The following PTCD1 variants were observed in gnomAD, a reference collection of about 807,000 sequenced individuals.
PTCD1 encodes the protein pentatricopeptide repeat-containing protein 1, mitochondrial.
In PTCD1, 50 loss-of-function variants were observed where a neutral mutation model predicts 53.4. The observed-to-expected ratio is 0.94, with a 90% confidence interval of 0.75 to 1.19. The LOEUF (loss-of-function observed/expected upper bound fraction) is 1.19. Among genes scored for constraint, PTCD1 ranks in the 50% most tolerant of loss-of-function variants. PTCD1 has a pLI of 0.00. For synonymous variants in PTCD1, 413 were observed against 394.8 expected (o/e 1.05, Z -0.55); for missense variants, 918 against 904.8 (o/e 1.01, Z -0.19).
intron 3 of PTCD1, among the ~76,000 whole-genome samples, chr7:99,430,968 G>A (rs1334072326): frequency 5.9e-5 from 9 of 151,920 alleles, no homozygotes; most frequent in Non-Finnish European, 1.3e-4. Context: ...CCAGCTACTC[G>A]GGAGGCTGAG....
At chr7:99,423,717 G>T (rs552578256) in intron 7 of PTCD1, 58 bp downstream of exon 7, 3 of 1,610,972 alleles carry the variant, frequency 1.9e-6, no homozygotes, top group East Asian at 2.2e-5. Context: ...TTGGGTGGTG[G>T]GGGGAGGGGG....
At chr7:99,438,449 A>G (rs1796582557) in intron 1 of PTCD1, 1 of 984,216 alleles carries the variant, frequency 1.0e-6, no homozygotes, top group Non-Finnish European at 1.3e-6. Context: ...TGGGCCACAG[A>G]GCGAGAAAAA....
intron 7 of PTCD1, among the ~76,000 whole-genome samples, chr7:99,421,834 T>C (rs377395752): frequency 4.6e-5 from 7 of 152,150 alleles, no homozygotes; most frequent in African/African-American, 9.7e-5. Context: ...AAAAGTGATA[T>C]ACATTCAGTA....
intron 7 of PTCD1, 56 bp downstream of exon 7, chr7:99,423,719 G>A: frequency 6.2e-7 from 1 of 1,611,342 alleles, no homozygotes. Flanking sequence ...GGGTGGTGGG[G>A]GGAGGGGGTA....
At chr7:99,430,847 A>C (rs1796223828) in intron 3 of PTCD1, among the ~76,000 whole-genome samples, 1 of 152,158 alleles carries the variant, frequency 6.6e-6, no homozygotes, top group African/African-American at 2.4e-5. Context: ...TGAGGTGGGC[A>C]GATCACCTGA....
chr7:99,433,271 C>T lies in PTCD1; in HGVS notation c.594+7G>A. The stretch of plus-strand genomic sequence containing the variant: ...CCTCACCCCGGCTGCCCTGCGCCCA[C>T]ATGCACCTGGTTGTAGAGGTTGAAG... On this transcript the variant is annotated splice_region_variant and intron_variant, in intron 3 of 7. Transcript: ENST00000292478. The T allele has an allele frequency of 1.9e-6, 3 of 1,614,216 alleles. No homozygotes were observed. Among genetic ancestry groups the T allele is most frequent in the South Asian group, 2.2e-5 (2 of 91,090 alleles).
intron 3 of PTCD1, 53 bp downstream of exon 3, chr7:99,433,225 T>A: frequency 6.2e-7 from 1 of 1,613,924 alleles, no homozygotes; most frequent in South Asian, 1.1e-5. Flanking sequence ...ACACTTGGGA[T>A]CCGCCCCCAG....
rs1795984624 is a variant in PTCD1, at chr7:99,425,632, C to G, written c.916-16G>C. 6.2e-7 allele frequency: 1 copy of G among 1,600,116 alleles called. No homozygotes were observed. The highest frequency in any genetic ancestry group is 8.5e-7 in the Non-Finnish European group (1 of 1,175,016). ...GCCGCCACACCTGCCACGGAAGAGA[C>G]AAACGTCAGCTGGGTGCTCCCATTC... On this transcript the variant is annotated splice_polypyrimidine_tract_variant and intron_variant, in intron 5 of 7. Transcript: ENST00000292478.
In PTCD1 at chr7:99,431,516, T is replaced by C. The variant is rs1003310262; in HGVS notation, c.595-1710A>G. On this transcript the variant is annotated intron_variant, in intron 3 of 7. Transcript: ENST00000292478. ...TAGCACTTTGGGAGGCCAAGGCGGG[T>C]GGACCACTTGAGGTCAAGAGACCAG... 3.4e-4 allele frequency among the ~76,000 whole-genome samples: 51 copies of C among 152,032 alleles called. 1 individual carries two copies. Among genetic ancestry groups the C allele is most frequent in the Admixed American group, 6.6e-5 (1 of 15,262 alleles).
chr7:99,420,780 A>T (rs1223201170), intron 7 of PTCD1, among the ~76,000 whole-genome samples: 1 of 152,094 alleles, frequency 6.6e-6, no homozygotes, highest in Non-Finnish European at 1.5e-5. Context: ...AGCATGGTGA[A>T]ACTCCATCTC....
In PTCD1 at chr7:99,429,839, G is replaced by A. The variant is rs200442206; in HGVS notation, c.595-33C>T. ...GATGGAAGAAGCTCAGTGGTGGCCC[G>A]GGATCAGCTGGACGCACAGGTGAGC... On this transcript the variant is annotated intron_variant, in intron 3 of 7. Transcript: ENST00000292478. 5.6e-5 allele frequency: 91 copies of A among 1,611,722 alleles called. 1 individual carries two copies. Among genetic ancestry groups the A allele is most frequent in the Middle Eastern group, 5.6e-4 (3 of 5,376 alleles).
chr7:99,426,140 GTCTCCCTCTCCCTCTCCC>G (rs774697481), intron 5 of PTCD1, among the ~76,000 whole-genome samples: 1 of 119,118 alleles, frequency 8.4e-6, no homozygotes, highest in Non-Finnish European at 1.8e-5. Context: ...TCTCCCCATG[GTCTCCCTCTCCCTCTCCC>G]TCTCCCTCTC....
chr7:99,423,804 C>T lies in PTCD1; in HGVS notation c.1891G>A (p.Ala631Thr). 1 of 1,614,116 alleles carries T rather than the reference C, an allele frequency of 6.2e-7. No homozygotes were observed. The highest frequency in any genetic ancestry group is 8.5e-7 in the Non-Finnish European group (1 of 1,180,012). Residue 631 changes from alanine to threonine, a missense_variant, in exon 7 of 8, where the codon GCA (alanine) becomes ACA (threonine). Physicochemically the swap from Ala to Thr is moderately conservative, Grantham distance 58 (BLOSUM62 0). Transcript: ENST00000292478. ...NEVVIRQLEF[A>T]AQYPPTFDRY... ...TCAAAGGTGGGAGGGTACTGGGCTG[C>T]AAACTCCAGCTGGCGGATGACCACT... is the stretch of plus-strand genomic sequence containing the variant.
In PTCD1 at chr7:99,426,270, G is replaced by A. The variant is rs549918516; in HGVS notation, c.916-654C>T. Among the ~76,000 whole-genome samples, 977 of 152,072 alleles carry A rather than the reference G, an allele frequency of 6.4e-3. 9 individuals are homozygous for A. The highest frequency in any genetic ancestry group is 0.015 in the South Asian group (74 of 4,818). Reference sequence around the variant, plus strand: ...GCTGGACTGTAACTGCTGCCATCTCGGCTCACTGCAACCTCCCTGCCTGAT... The same window carrying A: ...GCTGGACTGTAACTGCTGCCATCTCAGCTCACTGCAACCTCCCTGCCTGAT... On this transcript the variant is annotated intron_variant, in intron 5 of 7. Transcript: ENST00000292478.
chr7:99,419,680 G>C lies in PTCD1; in HGVS notation c.*287C>G. ...CCCGGCGGGGCGGCCCAGGCCCCAG[G>C]GACCAGATGCCCCAGCCCCCTTGTG... On this transcript the variant is annotated 3_prime_UTR_variant, in exon 8 of 8. Transcript: ENST00000292478. 1.4e-6 allele frequency: 1 copy of C among 695,404 alleles called. No homozygotes were observed. The highest frequency in any genetic ancestry group is 2.4e-6 in the Non-Finnish European group (1 of 423,708). 43.1% of individuals were successfully genotyped at this position (695,404 alleles called of 1,614,324 possible).
Position 99,425,482 on chromosome 7 carries a change from C to T in PTCD1, c.1050G>A (p.Glu350=). Residue 350 remains glutamate, a synonymous_variant, in exon 6 of 8, where the codon GAG becomes GAA. Transcript: ENST00000292478. ...ASELLLKPRE[E]ATVLQPPVSR... is the part of the protein sequence containing the mutation. Reference sequence around the variant, plus strand: ...TCACTGGGGGCTGAAGCACAGTCGCCTCCTCCCTGGGCTTCAGAAGCAGCT... The same window carrying T: ...TCACTGGGGGCTGAAGCACAGTCGCTTCCTCCCTGGGCTTCAGAAGCAGCT... 5 of 1,613,194 alleles carry T rather than the reference C, an allele frequency of 3.1e-6. No individual in the cohort carries two copies. Among genetic ancestry groups the T allele is most frequent in the Non-Finnish European group, 3.4e-6 (4 of 1,179,668 alleles).
rs922032429 is a variant in PTCD1, at chr7:99,417,375, G to T, written c.*2592C>A. On this transcript the variant is annotated 3_prime_UTR_variant, in exon 8 of 8. Coordinates refer to ENST00000292478, the MANE Select transcript of PTCD1 (RefSeq NM_015545.4). ...GCCTGAATGCTTTTTTTGATCAAGG[G>T]TGGGGAAGGTTTTTAGACCATGGCC... is the stretch of plus-strand genomic sequence containing the variant. 6.3e-7 allele frequency: 1 copy of T among 1,579,686 alleles called. No homozygotes were observed. The highest frequency in any genetic ancestry group is 8.7e-7 in the Non-Finnish European group (1 of 1,150,318).
At chr7:99,424,581 G>A (rs1164965441) in intron 6 of PTCD1, among the ~76,000 whole-genome samples, 1 of 152,178 alleles carries the variant, frequency 6.6e-6, no homozygotes, top group African/African-American at 2.4e-5. Flanking sequence ...GGGAACATCC[G>A]TGTGTCTCTA....
At chr7:99,429,251 G>C in intron 4 of PTCD1, 47 bp from the exon 5 acceptor site, 1 of 1,605,062 alleles carries the variant, frequency 6.2e-7, no homozygotes, top group Non-Finnish European at 8.5e-7. Context: ...GCAGCAGGCT[G>C]GGCATGGTAG....
Sources: gnomAD v4.1 joint callset for allele counts (sites outside exome capture counted in the v4.1 genomes callset) on GRCh38, gnomAD v4.1.1 for gene constraint, MANE v1.5 for transcripts, NCBI Gene and HGNC (gene_info 2026-07-23, HGNC 2026-07-21) for gene names.